Variants in CTNND2 observed in about 807,000 individuals in gnomAD.
CTNND2 encodes the protein catenin delta 2.
A neutral mutation model predicts 144.4 loss-of-function variants in CTNND2; 22 were observed. The observed-to-expected ratio is 0.15, with a 90% CI of 0.11 to 0.22. CTNND2 has a LOEUF of 0.22. CTNND2 is among the 10% of genes least tolerant of loss of function. CTNND2 has a pLI of 1.00. For synonymous variants in CTNND2, 751 were observed against 695.6 expected, an observed-to-expected ratio of 1.08 and a Z score of -1.25; for missense variants, 1,353 against 1,618.8, an observed-to-expected ratio of 0.84 and a Z score of 2.82.
intron 2 of CTNND2, among the ~76,000 whole-genome samples, chr5:11,728,308 GA>G (rs34137942): frequency 0.1 from 14,393 of 144,200 alleles, 1,442 homozygotes; most frequent in African/African-American, 0.26. Context: ...TGTCTCTACT[GA>G]AAAAAAAAAA....
chr5:11,199,597 T>C lies in CTNND2; in HGVS notation c.1826A>G (p.His609Arg), dbSNP rs924846591. 2 of 1,614,182 alleles carry C rather than the reference T, an allele frequency of 1.2e-6. No individual in the cohort carries two copies. The highest frequency in any genetic ancestry group is 2.7e-5 in the African/African-American group (2 of 75,046). ...DLLDHRMTEV[H>R]RSACGALRNL... ...TCTCAGAGCTCCACAGGCACTACGG[T>C]GGACTTCGGTCATCCGATGATCCAA... Residue 609 changes from histidine to arginine, a missense_variant, in exon 11 of 22, where the codon CAC (histidine) becomes CGC (arginine). His to Arg is a conservative substitution (Grantham distance 29, BLOSUM62 0). This residue lies in a region of CTNND2 where 69 missense variants were observed against 120.3 expected (regional missense o/e 0.57). Transcript: ENST00000304623.
At chr5:11,445,016 T>G (rs1477248464) in intron 3 of CTNND2, among the ~76,000 whole-genome samples, 1 of 152,178 alleles carries the variant, frequency 6.6e-6, no homozygotes, top group Non-Finnish European at 1.5e-5. Flanking sequence ...TTCCTACGGC[T>G]GCAGTACCAA....
intron 14 of CTNND2, among the ~76,000 whole-genome samples, chr5:11,107,495 A>T (rs539325252): frequency 6.6e-6 from 1 of 152,298 alleles, no homozygotes; most frequent in East Asian, 1.9e-4. Flanking sequence ...GATATCCTGA[A>T]AATCCAAGAA....
intron 2 of CTNND2, among the ~76,000 whole-genome samples, chr5:11,573,124 C>T (rs1023431562): frequency 2.0e-5 from 3 of 152,086 alleles, no homozygotes; most frequent in African/African-American, 7.2e-5. Flanking sequence ...GAGATGTCCC[C>T]GACAATCAAA....
chr5:11,679,657 A>G (rs1356361092), intron 2 of CTNND2, among the ~76,000 whole-genome samples: 1 of 152,166 alleles, frequency 6.6e-6, no homozygotes, highest in African/African-American at 2.4e-5. Context: ...CCCGACACTC[A>G]TGTGTCTCTT....
At chr5:11,629,274 C>T (rs150903241) in intron 2 of CTNND2, among the ~76,000 whole-genome samples, 15 of 152,222 alleles carry the variant, frequency 9.9e-5, no homozygotes, top group Non-Finnish European at 1.9e-4. Flanking sequence ...ACAACAACAA[C>T]AACAACAACA....
intron 1 of CTNND2, among the ~76,000 whole-genome samples, chr5:11,737,648 C>A (rs145888684): frequency 1.1e-4 from 16 of 152,278 alleles, no homozygotes; most frequent in African/African-American, 3.4e-4. Context: ...GAACTGTGTT[C>A]CCCAAATTCA....
At chr5:11,002,223 G>C (rs148884304) in intron 18 of CTNND2, among the ~76,000 whole-genome samples, 2 of 152,352 alleles carry the variant, frequency 1.3e-5, no homozygotes, top group African/African-American at 4.8e-5. Context: ...CACCTTGTGG[G>C]AATATTACTG....
chr5:11,666,979 C>T (rs1652105707), intron 2 of CTNND2, among the ~76,000 whole-genome samples: 1 of 151,912 alleles, frequency 6.6e-6, no homozygotes, highest in Admixed American at 6.6e-5. Context: ...CATGTGTTCT[C>T]ATTGTTCAAT....
At chr5:11,700,846 G>A (rs955898833) in intron 2 of CTNND2, among the ~76,000 whole-genome samples, 1 of 152,208 alleles carries the variant, frequency 6.6e-6, no homozygotes, top group Non-Finnish European at 1.5e-5. Context: ...CCTTTGAAAA[G>A]CATGTGATCT....
intron 2 of CTNND2, among the ~76,000 whole-genome samples, chr5:11,592,128 T>C (rs899893049): frequency 2.9e-5 from 4 of 135,602 alleles, no homozygotes; most frequent in Non-Finnish European, 6.2e-5. Flanking sequence ...TCCTTCCTTC[T>C]TTCCTGCCTT....
chr5:11,275,418 T>C (rs556040241), intron 9 of CTNND2, among the ~76,000 whole-genome samples: 20 of 152,268 alleles, frequency 1.3e-4, no homozygotes, highest in African/African-American at 4.6e-4. Flanking sequence ...GCCAGTGAGG[T>C]GAGCACTGAG....
chr5:11,151,152 T>A (rs66554550), intron 12 of CTNND2, among the ~76,000 whole-genome samples: 13,833 of 152,236 alleles, frequency 0.091, 1,137 homozygotes, highest in East Asian at 0.34. Context: ...CACTTTGAAA[T>A]GGGAAAGAAT....
intron 9 of CTNND2, among the ~76,000 whole-genome samples, chr5:11,344,248 C>T (rs372060302): frequency 1.3e-5 from 2 of 152,100 alleles, no homozygotes; most frequent in Non-Finnish European, 2.9e-5. Flanking sequence ...AAAAATTAGC[C>T]GGGCGCGGTG....
intron 2 of CTNND2, among the ~76,000 whole-genome samples, chr5:11,627,352 A>G (rs1781210037): frequency 6.6e-6 from 1 of 152,158 alleles, no homozygotes; most frequent in Non-Finnish European, 1.5e-5. Flanking sequence ...CAGTGGCTCC[A>G]CAGAACAGAT....
chr5:11,361,881 G>A (rs960683807), intron 8 of CTNND2, among the ~76,000 whole-genome samples: 7 of 152,156 alleles, frequency 4.6e-5, no homozygotes, highest in Non-Finnish European at 8.8e-5. Context: ...ACTGGTCTTC[G>A]ATCTTTCTGC....
chr5:11,273,270 T>C (rs548729727), intron 9 of CTNND2, among the ~76,000 whole-genome samples: 1 of 152,320 alleles, frequency 6.6e-6, no homozygotes, highest in East Asian at 1.9e-4. Flanking sequence ...TATTATTATA[T>C]GTACCTGTCA....
chr5:11,169,031 G>A (rs1759634417), intron 11 of CTNND2, among the ~76,000 whole-genome samples: 1 of 152,162 alleles, frequency 6.6e-6, no homozygotes, highest in Admixed American at 6.5e-5. Flanking sequence ...ACACTCGCCT[G>A]TGAATGTTTA....
chr5:11,188,494 T>TA (rs1239687304), intron 11 of CTNND2, among the ~76,000 whole-genome samples: 5 of 152,190 alleles, frequency 3.3e-5, no homozygotes, highest in Non-Finnish European at 7.3e-5. Context: ...GAAAAATAGC[T>TA]AATGCATGCT....
Sources: gnomAD v4.1 joint callset for allele counts (sites outside exome capture counted in the v4.1 genomes callset) on GRCh38, gnomAD v4.1.1 for gene constraint, gnomAD v4.1.1 regional missense constraint, MANE v1.5 for transcripts, NCBI Gene and HGNC (gene_info 2026-07-23, HGNC 2026-07-21) for gene names.